Variants in RAB28 observed in about 807,000 individuals in gnomAD.
RAB28 encodes the protein ras-related protein Rab-28.
Under a neutral mutation model 31.7 loss-of-function variants are expected in RAB28, and 24 were observed. That is an observed-to-expected ratio of 0.76 (90% CI 0.55 to 1.06). The LOEUF (loss-of-function observed/expected upper bound fraction) is 1.06, where lower values mean the gene tolerates loss of function less well. RAB28 is among the 50% of genes least tolerant of loss of function. RAB28 has a pLI of 0.00. For synonymous variants in RAB28, 100 were observed against 90.4 expected (o/e 1.11, Z -0.60); for missense variants, 254 against 258.5 (o/e 0.98, Z 0.12).
intron 4 of RAB28, among the ~76,000 whole-genome samples, chr4:13,440,959 G>T (rs1341308273): frequency 1.3e-5 from 2 of 152,048 alleles, no homozygotes; most frequent in East Asian, 3.9e-4. Flanking sequence ...GTGGAATAAG[G>T]ATTAAGATTA....
chr4:13,473,780 A>C, intron 3 of RAB28: 1 of 319,430 alleles, frequency 3.1e-6, no homozygotes, highest in Non-Finnish European at 6.2e-6. Context: ...TTCTTCTGAA[A>C]ATACAGCATT....
intron 4 of RAB28, among the ~76,000 whole-genome samples, chr4:13,429,925 T>C (rs1451097401): frequency 2.0e-5 from 3 of 152,206 alleles, no homozygotes; most frequent in African/African-American, 7.2e-5. Flanking sequence ...TTAAAACTGA[T>C]ACAGTAATCT....
chr4:13,465,034 T>C (rs921497201), intron 3 of RAB28, among the ~76,000 whole-genome samples: 4 of 151,976 alleles, frequency 2.6e-5, no homozygotes, highest in African/African-American at 9.7e-5. Context: ...GTTGGGTACA[T>C]TGCTGGACAC....
intron 4 of RAB28, among the ~76,000 whole-genome samples, chr4:13,440,966 A>G (rs550692928): frequency 3.9e-4 from 60 of 152,118 alleles, no homozygotes; most frequent in Non-Finnish European, 6.9e-4. Flanking sequence ...AAGGATTAAG[A>G]TTAGGAATGT....
At chr4:13,464,746 A>G (rs1008706286) in intron 3 of RAB28, among the ~76,000 whole-genome samples, 2 of 152,122 alleles carry the variant, frequency 1.3e-5, no homozygotes, top group African/African-American at 4.8e-5. Context: ...CCTGAATCTT[A>G]TTACTCAGTA....
intron 4 of RAB28, among the ~76,000 whole-genome samples, chr4:13,449,219 C>G (rs761450018): frequency 2.6e-5 from 4 of 151,766 alleles, no homozygotes; most frequent in Non-Finnish European, 5.9e-5. Context: ...TGATATGAAT[C>G]CTTCAAAATA....
Position 13,484,042 on chromosome 4 carries a change from AGGCCTGGGACGGCG to A in RAB28, c.75+20_75+33del. On this transcript the variant is annotated intron_variant, in intron 1 of 6. Transcript: ENST00000330852. ...GGCCGGGGACCGCCGGGGTTCCTGC[AGGCCTGGGACGGCG>A]GGCCTGCTCGAGGACTGACCTTCCC... 2 of 1,563,640 alleles carry A rather than the reference AGGCCTGGGACGGCG, an allele frequency of 1.3e-6. No individual in the cohort carries two copies. Among genetic ancestry groups the A allele is most frequent in the South Asian group, 1.2e-5 (1 of 85,798 alleles).
At chr4:13,458,795 A>G (rs1715441959) in intron 4 of RAB28, among the ~76,000 whole-genome samples, 1 of 152,234 alleles carries the variant, frequency 6.6e-6, no homozygotes, top group Non-Finnish European at 1.5e-5. Context: ...ACAAGTTTGT[A>G]GCCTAGGAGC....
At chr4:13,378,015 G>A (rs1192288663) in intron 5 of RAB28, among the ~76,000 whole-genome samples, 1 of 152,156 alleles carries the variant, frequency 6.6e-6, no homozygotes, top group Non-Finnish European at 1.5e-5. Flanking sequence ...GTTAAATTGG[G>A]CAGCCTATTA....
intron 4 of RAB28, among the ~76,000 whole-genome samples, chr4:13,438,040 TG>T (rs1376171045): frequency 6.6e-6 from 1 of 152,202 alleles, no homozygotes; most frequent in Non-Finnish European, 1.5e-5. Flanking sequence ...TCTTGTCATT[TG>T]CAGCAACATT....
chr4:13,464,655 G>C (rs769263688), intron 3 of RAB28, among the ~76,000 whole-genome samples: 5 of 152,046 alleles, frequency 3.3e-5, no homozygotes, highest in African/African-American at 4.8e-5. Context: ...GATGCTAGAG[G>C]AATCAATGCC....
chr4:13,411,569 C>T (rs1274532647), intron 4 of RAB28, among the ~76,000 whole-genome samples: 3 of 152,116 alleles, frequency 2.0e-5, no homozygotes, highest in Non-Finnish European at 4.4e-5. Context: ...GCCATAGACA[C>T]TGATTGTTTA....
intron 4 of RAB28, among the ~76,000 whole-genome samples, chr4:13,421,146 C>A (rs1011303526): frequency 1.3e-5 from 2 of 152,096 alleles, no homozygotes; most frequent in Non-Finnish European, 2.9e-5. Context: ...GAGTGAACTC[C>A]CATTCACAAT....
intron 4 of RAB28, among the ~76,000 whole-genome samples, chr4:13,414,233 G>A (rs756499647): frequency 1.2e-4 from 19 of 152,128 alleles, no homozygotes; most frequent in Non-Finnish European, 2.2e-4. Flanking sequence ...AAAATGTTCT[G>A]CAGTAATGTT....
chr4:13,389,705 C>T (rs78138458), intron 4 of RAB28, among the ~76,000 whole-genome samples: 3 of 151,586 alleles, frequency 2.0e-5, no homozygotes, highest in Non-Finnish European at 3.0e-5. Context: ...TATTTTAGTA[C>T]CATGTTTTGT....
chr4:13,368,751 T>A (rs142367983), intron 6 of RAB28, 101 bp from the exon 7 acceptor site: 2 of 900,886 alleles, frequency 2.2e-6, no homozygotes, highest in African/African-American at 3.5e-5. Flanking sequence ...GAACTTCTGA[T>A]GATGGACACC....
intron 4 of RAB28, among the ~76,000 whole-genome samples, chr4:13,386,643 T>C (rs1383246344): frequency 6.6e-6 from 1 of 152,174 alleles, no homozygotes; most frequent in Admixed American, 6.5e-5. Flanking sequence ...TTACATACTG[T>C]TGGTGGAAGT....
chr4:13,367,841 C>T lies in RAB28; in HGVS notation c.*717G>A, dbSNP rs1463170138. 8.1e-6 allele frequency: 8 copies of T among 984,592 alleles called. No individual in the cohort carries two copies. Among genetic ancestry groups the T allele is most frequent in the Middle Eastern group, 5.2e-4 (1 of 1,936 alleles). The allele number at this position is 984,592 out of a possible 1,614,324, so 61.0% of individuals were successfully genotyped here. Reference sequence around the variant, plus strand: ...TATGCAGTTTGCAAGAGAAATTCCACGTGGAGCATCAGCTGAACATTTATC... The same window carrying T: ...TATGCAGTTTGCAAGAGAAATTCCATGTGGAGCATCAGCTGAACATTTATC... On this transcript the variant is annotated 3_prime_UTR_variant, in exon 7 of 7. Transcript: ENST00000330852.
rs146940463 is a variant in RAB28, at chr4:13,399,288, T to C, written c.392-17694A>G. Among the ~76,000 whole-genome samples, 92 of 152,336 alleles carry C rather than the reference T, an allele frequency of 6.0e-4. 1 individual carries two copies. The highest frequency in any genetic ancestry group is 1.9e-3 in the African/African-American group (78 of 41,566). ...AATGAAGTATATACAGTTCATGCAT[T>C]TGTACTGCCATATAACATACCTTTT... On this transcript the variant is annotated intron_variant, in intron 4 of 6. Transcript: ENST00000330852.
Sources: allele counts gnomAD v4.1 joint callset (sites outside exome capture counted in the v4.1 genomes callset), GRCh38; gene constraint gnomAD v4.1.1; transcripts MANE v1.5; gene names NCBI Gene and HGNC (gene_info 2026-07-23, HGNC 2026-07-21).